UNC13C: variants seen among roughly 807,000 people sequenced by gnomAD.
The protein encoded by UNC13C is protein unc-13 homolog C.
A neutral mutation model predicts 245.4 loss-of-function variants in UNC13C; 174 were observed. That is an observed-to-expected ratio of 0.71 (90% confidence interval 0.63 to 0.80). The LOEUF is 0.80. Ranked by LOEUF, UNC13C falls within the 30% of genes least tolerant of loss-of-function variation. UNC13C has a pLI of 0.00. For missense variants in UNC13C, 2,829 were observed against 2,602.9 expected (o/e 1.09, Z -1.89); for synonymous variants, 992 against 895.1 (o/e 1.11, Z -1.93).
At chr15:54,240,757 A>G (rs189771711) in intron 7 of UNC13C, among the ~76,000 whole-genome samples, 3 of 152,298 alleles carry the variant, frequency 2.0e-5, no homozygotes, top group Non-Finnish European at 2.9e-5. Context: ...GCTTAGTAAC[A>G]TAGGGAGGAC....
chr15:54,593,526 C>G (rs559799917), intron 30 of UNC13C, among the ~76,000 whole-genome samples: 29 of 152,158 alleles, frequency 1.9e-4, no homozygotes, highest in African/African-American at 6.7e-4. Flanking sequence ...TTCACATTTT[C>G]TTATTCTTTT....
chr15:54,546,374 C>T (rs1166865805), intron 26 of UNC13C, among the ~76,000 whole-genome samples: 1 of 152,062 alleles, frequency 6.6e-6, no homozygotes, highest in Non-Finnish European at 1.5e-5. Context: ...ATGTAGATGT[C>T]GGCTTGATGG....
chr15:54,455,055 T>A (rs1288121922), intron 19 of UNC13C, among the ~76,000 whole-genome samples: 1 of 150,722 alleles, frequency 6.6e-6, no homozygotes, highest in Non-Finnish European at 1.5e-5. Context: ...GAACATAGGA[T>A]CTTTGGTTTT....
chr15:54,474,883 G>A (rs1385694035), intron 19 of UNC13C, among the ~76,000 whole-genome samples: 3 of 151,960 alleles, frequency 2.0e-5, no homozygotes, highest in Non-Finnish European at 4.4e-5. Flanking sequence ...GACAAGAGAG[G>A]AGAAAAGAGA....
the UNC13C span, among the ~76,000 whole-genome samples, chr15:53,941,974 A>C: frequency 6.6e-6 from 1 of 152,198 alleles, no homozygotes; most frequent in Non-Finnish European, 1.5e-5. Flanking sequence ...AAATTAGTTC[A>C]ACATTGTGGA....
intron 19 of UNC13C, among the ~76,000 whole-genome samples, chr15:54,479,787 T>C (rs947938776): frequency 2.6e-5 from 4 of 152,154 alleles, no homozygotes; most frequent in Admixed American, 6.6e-5. Context: ...GTAGATATCA[T>C]CTTTTCACTT....
At chr15:54,346,200 G>A (rs2140831086) in intron 17 of UNC13C, among the ~76,000 whole-genome samples, 1 of 152,064 alleles carries the variant, frequency 6.6e-6, no homozygotes, top group South Asian at 2.1e-4. Context: ...TCTGAGTAGG[G>A]TTGATAAACG....
the UNC13C span, among the ~76,000 whole-genome samples, chr15:53,916,592 C>T: frequency 1.3e-5 from 2 of 152,148 alleles, no homozygotes; most frequent in Non-Finnish European, 2.9e-5. Flanking sequence ...CGTCGAGCAC[C>T]TAGAAGCTCT....
At chr15:54,440,986 G>C (rs1890496824) in intron 19 of UNC13C, among the ~76,000 whole-genome samples, 1 of 151,916 alleles carries the variant, frequency 6.6e-6, no homozygotes, top group African/African-American at 2.4e-5. Context: ...CATGTCATTT[G>C]ACTACTTTTT....
intron 2 of UNC13C, among the ~76,000 whole-genome samples, chr15:54,092,153 G>A (rs575525037): frequency 6.6e-6 from 1 of 152,288 alleles, no homozygotes; most frequent in African/African-American, 2.4e-5. Flanking sequence ...CTGGTGGGAT[G>A]TGAGATCCCA....
At chr15:53,998,798 T>C (rs1308244157) in intron 1 of UNC13C, among the ~76,000 whole-genome samples, 1 of 152,118 alleles carries the variant, frequency 6.6e-6, no homozygotes, top group Non-Finnish European at 1.5e-5. Context: ...AGAAATGTTT[T>C]ATGGCATAAA....
intron 1 of UNC13C, among the ~76,000 whole-genome samples, chr15:53,979,458 T>C (rs1893836650): frequency 7.6e-6 from 1 of 131,968 alleles, no homozygotes; most frequent in Non-Finnish European, 1.7e-5. Flanking sequence ...CCTGCAGATT[T>C]ACTTTCAAGA....
chr15:54,020,691 C>T (rs992404090), intron 2 of UNC13C, among the ~76,000 whole-genome samples: 1 of 151,994 alleles, frequency 6.6e-6, no homozygotes, highest in African/African-American at 2.4e-5. Context: ...GAAAATAGAG[C>T]AATAAAGATG....
chr15:54,517,240 A>G (rs1895020423), intron 24 of UNC13C, among the ~76,000 whole-genome samples: 1 of 152,118 alleles, frequency 6.6e-6, no homozygotes, highest in South Asian at 2.1e-4. Flanking sequence ...ATTACAAAAT[A>G]TAGAATAAAT....
intron 19 of UNC13C, among the ~76,000 whole-genome samples, chr15:54,421,875 C>G (rs1296340092): frequency 6.6e-6 from 1 of 152,032 alleles, no homozygotes; most frequent in Non-Finnish European, 1.5e-5. Flanking sequence ...AATGCTTGCT[C>G]TATGCCAGGC....
intron 13 of UNC13C, among the ~76,000 whole-genome samples, chr15:54,302,745 G>C (rs973978201): frequency 1.3e-5 from 2 of 152,064 alleles, no homozygotes; most frequent in African/African-American, 2.4e-5. Flanking sequence ...GATTGTCTTG[G>C]CTATGCTGGC....
chr15:53,899,656 C>T, the UNC13C span, among the ~76,000 whole-genome samples: 1 of 152,134 alleles, frequency 6.6e-6, no homozygotes, highest in Admixed American at 6.5e-5. Flanking sequence ...CATCCACCTC[C>T]CGGGTTCAAG....
intron 4 of UNC13C, among the ~76,000 whole-genome samples, chr15:54,187,886 T>G (rs1192674009): frequency 2.0e-5 from 3 of 152,190 alleles, no homozygotes; most frequent in Non-Finnish European, 4.4e-5. Flanking sequence ...TTTGGCTCAC[T>G]GCAACCTCCA....
At chr15:54,424,716 A>G (rs1370855694) in intron 19 of UNC13C, among the ~76,000 whole-genome samples, 1 of 151,704 alleles carries the variant, frequency 6.6e-6, no homozygotes, top group Non-Finnish European at 1.5e-5. Context: ...CAATAGAATT[A>G]GGGGCAAGAA....
Sources: gnomAD v4.1 joint callset for allele counts (sites outside exome capture counted in the v4.1 genomes callset) on GRCh38, gnomAD v4.1.1 for gene constraint, MANE v1.5 for transcripts, NCBI Gene and HGNC (gene_info 2026-07-23, HGNC 2026-07-21) for gene names.